Variants in L1TD1 observed in about 807,000 individuals in gnomAD.
L1TD1 encodes LINE1 type transposase domain containing 1.
In L1TD1, 26 loss-of-function variants were observed where a neutral mutation model predicts 25.7. The ratio of observed to expected loss-of-function variants is 1.01; its 90% CI spans 0.74 to 1.40. The LOEUF (loss-of-function observed/expected upper bound fraction) is 1.40, where lower values mean the gene tolerates loss of function less well. Among genes scored for constraint, L1TD1 ranks in the 40% most tolerant of loss-of-function variants. The pLI, the probability that L1TD1 is intolerant of heterozygous loss-of-function variation, is 0.00. For synonymous variants in L1TD1, 421 were observed against 335.6 expected, an observed-to-expected ratio of 1.25 and a Z score of -2.78; for missense variants, 1,130 against 975.0, an observed-to-expected ratio of 1.16 and a Z score of -2.12.
intron 3 of L1TD1, among the ~76,000 whole-genome samples, chr1:62,209,022 C>CAG (rs1670807170): frequency 6.6e-6 from 1 of 152,172 alleles, no homozygotes; most frequent in Non-Finnish European, 1.5e-5. Context: ...AGCTCAGTGG[C>CAG]AGACTAAGGG....
In L1TD1 at chr1:62,211,342, G is replaced by C; in HGVS notation, c.2568G>C (p.Leu856Phe). 6.2e-7 allele frequency: 1 copy of C among 1,609,792 alleles called. No individual in the cohort carries two copies. Among genetic ancestry groups the C allele is most frequent in the Non-Finnish European group, 8.5e-7 (1 of 1,178,162 alleles). Residue 856 changes from leucine (L) to phenylalanine (F), a missense_variant, in exon 4 of 4, where the codon TTG (leucine) becomes TTC (phenylalanine). Coordinates refer to ENST00000498273, the MANE Select transcript of L1TD1 (RefSeq NM_019079.5). ...FRDYVLHMPT[L>F]RELLGNNIP ...ATTATGTTTTGCATATGCCCACCTT[G>C]AGAGAATTACTGGGGAATAATATAC...
Position 62,209,878 on chromosome 1 carries a change from AGAG to A in L1TD1, c.1108_1110del (p.Glu370del), listed in dbSNP as rs1446048168. 1.9e-6 allele frequency: 3 copies of A among 1,614,078 alleles called. No homozygotes were observed. The highest frequency in any genetic ancestry group is 2.7e-5 in the African/African-American group (2 of 74,938). Reference sequence around the variant, plus strand: ...TTAAAGAAGTAAAAGTTGCTAAGCCAGAGGAGATGAAAAACTTAGAGACTCAAG... The same window carrying A: ...TTAAAGAAGTAAAAGTTGCTAAGCCAGAGATGAAAAACTTAGAGACTCAAG... On this transcript the variant is annotated inframe_deletion, in exon 4 of 4. Transcript: ENST00000498273.
At position 62,210,821 on chromosome 1, in the gene L1TD1, C is replaced by G. The variant is rs1670852885; in HGVS notation, c.2047C>G (p.Gln683Glu). The part of the protein sequence containing the change: ...FSKDTMQMTK[Q>E]IISKERQRDI... ...TAAGGATACAATGCAAATGACCAAA[C>G]AGATAATTAGTAAAGAAAGGCAAAG... is the stretch of plus-strand genomic sequence containing the variant. Residue 683 changes from glutamine (Q) to glutamate (E), a missense_variant, in exon 4 of 4, where the codon CAG becomes GAG. By Grantham distance (29) the Gln-to-Glu change is conservative. Coordinates refer to ENST00000498273, the MANE Select transcript of L1TD1 (RefSeq NM_019079.5). 3 of 1,549,186 alleles carry G rather than the reference C, an allele frequency of 1.9e-6. No homozygotes were observed. The highest frequency in any genetic ancestry group is 2.6e-6 in the Non-Finnish European group (3 of 1,146,488).
Position 62,210,957 on chromosome 1 carries a change from A to G in L1TD1, c.2183A>G (p.Asn728Ser), listed in dbSNP as rs1557448474. 10 of 1,545,036 alleles carry G rather than the reference A, an allele frequency of 6.5e-6. No homozygotes were observed. Among genetic ancestry groups the G allele is most frequent in the Admixed American group, 2.0e-5 (1 of 49,168 alleles). The change falls in exon 4 of 4, where the codon AAC (asparagine) becomes AGC (serine). Residue 728 changes from asparagine to serine, a missense_variant. Coordinates refer to ENST00000498273, the MANE Select transcript of L1TD1 (RefSeq NM_019079.5). The part of the protein sequence containing the change: ...EDIIKEIIDE[N>S]FAELKKGSSL... The stretch of plus-strand genomic sequence containing the variant: ...ATAATTAAAGAAATAATTGATGAAA[A>G]CTTTGCAGAACTAAAGAAAGGTTCA...
chr1:62,196,970 T>C (rs1415247532), intron 2 of L1TD1, among the ~76,000 whole-genome samples: 1 of 152,056 alleles, frequency 6.6e-6, no homozygotes, highest in African/African-American at 2.4e-5. Flanking sequence ...TATAATCTAG[T>C]GTGGGTCAGG....
In L1TD1 at chr1:62,211,627, TC is replaced by T. The variant is rs200255387; in HGVS notation, c.*262del. On this transcript the variant is annotated 3_prime_UTR_variant, in exon 4 of 4. Coordinates refer to ENST00000498273, the MANE Select transcript of L1TD1 (RefSeq NM_019079.5). ...TACAGATAGAATTCCTTGTTTTACT[TC>T]CCCCCCACCACCTCCCTACTGCAGT... The T allele has an allele frequency of 1.5e-4, 54 of 371,418 alleles. No homozygotes were observed. The highest frequency in any genetic ancestry group is 1.0e-3 in the East Asian group (19 of 18,134). The allele number at this position is 371,418 out of a possible 1,614,324, so 23.0% of individuals were successfully genotyped here.
Position 62,207,531 on chromosome 1 carries a change from A to G in L1TD1, c.903A>G (p.Lys301=). ...KTFSDLQSLR[K]FASQKSSVKE... is the part of the protein sequence containing the mutation. Reference sequence around the variant, plus strand: ...TTTCAGATCTGCAAAGCCTTAGAAAATTTGCCAGCCAAAAATCTTCTGTGA... The same window carrying G: ...TTTCAGATCTGCAAAGCCTTAGAAAGTTTGCCAGCCAAAAATCTTCTGTGA... Residue 301 remains lysine, a synonymous_variant, in exon 3 of 4, where the codon AAA becomes AAG. Transcript: ENST00000498273. 1 of 1,551,446 alleles carries G rather than the reference A, an allele frequency of 6.4e-7. No homozygotes were observed. Among genetic ancestry groups the G allele is most frequent in the Non-Finnish European group, 8.7e-7 (1 of 1,146,894 alleles).
At chr1:62,197,868 CTG>C (rs1435452363) in intron 2 of L1TD1, among the ~76,000 whole-genome samples, 2 of 150,268 alleles carry the variant, frequency 1.3e-5, no homozygotes, top group Non-Finnish European at 3.0e-5. Flanking sequence ...CAGTGAGACT[CTG>C]TCTCAAAAAC....
rs114341891 is a variant in L1TD1 at position 62,202,390 on chromosome 1, T to C, written c.-110-4129T>C. 9.0e-3 allele frequency among the ~76,000 whole-genome samples: 1,370 copies of C among 152,202 alleles called. 21 individuals carry two copies. The highest frequency in any genetic ancestry group is 0.031 in the African/African-American group (1,287 of 41,528). ...TCATTTACATGTTTTACATGTTTCCTCTTTTGACCTTTACTCTGGTGTAAT... is the reference window on the plus strand; with the variant it reads ...TCATTTACATGTTTTACATGTTTCCCCTTTTGACCTTTACTCTGGTGTAAT... On this transcript the variant is annotated intron_variant, in intron 2 of 3. Transcript: ENST00000498273.
chr1:62,205,452 T>TTTTTTTTTTTTTTTTTTTTTA (rs1317584007), intron 2 of L1TD1, among the ~76,000 whole-genome samples: 2 of 125,198 alleles, frequency 1.6e-5, no homozygotes, highest in African/African-American at 6.2e-5. Flanking sequence ...TATTTTTTTT[T>TTTTTTTTTTTTTTTTTTTTTA]AGACAGTCTT....
At position 62,211,244 on chromosome 1, in the gene L1TD1, C is replaced by T; in HGVS notation, c.2470C>T (p.Leu824=). 1 of 1,587,118 alleles carries T rather than the reference C, an allele frequency of 6.3e-7. No individual in the cohort carries two copies. Residue 824 remains leucine, a synonymous_variant, in exon 4 of 4, where the codon CTA becomes TTA. Transcript: ENST00000498273. The part of the protein sequence containing the change: ...LLEKGFNPRI[L]YPAKMAFDFR... The stretch of plus-strand genomic sequence containing the variant: ...GGAAAAAGGCTTTAATCCTAGAATC[C>T]TATATCCAGCCAAAATGGCATTTGA...
chr1:62,207,616 T>C lies in L1TD1; in HGVS notation c.988T>C (p.Tyr330His), dbSNP rs1670778599. Residue 330 changes from tyrosine (Y) to histidine (H), a missense_variant, in exon 3 of 4, where the codon TAT becomes CAT. Transcript: ENST00000498273. ...AGAAATAAATCAAGGAGGAAGAAAA[T>C]ATGGAATTCAAGAAAAAAGGGTAAG... ...KEEINQGGRK[Y>H]GIQEKRDKTL... The C allele has an allele frequency of 3.9e-6, 6 of 1,534,794 alleles. No homozygotes were observed. The highest frequency in any genetic ancestry group is 1.2e-5 in the South Asian group (1 of 81,510).
chr1:62,205,389 T>C (rs77514412), intron 2 of L1TD1, among the ~76,000 whole-genome samples: 9,419 of 58,504 alleles, frequency 0.16, 700 homozygotes, highest in Non-Finnish European at 0.19. Flanking sequence ...CTCTCTCTCT[T>C]TCTCTCTCTC....
intron 2 of L1TD1, among the ~76,000 whole-genome samples, chr1:62,197,940 A>G (rs745833808): frequency 1.3e-5 from 2 of 152,162 alleles, no homozygotes; most frequent in Non-Finnish European, 2.9e-5. Context: ...CCCACTGCTG[A>G]GGGAATTACT....
At chr1:62,201,949 C>T (rs1670647386) in intron 2 of L1TD1, among the ~76,000 whole-genome samples, 1 of 152,148 alleles carries the variant, frequency 6.6e-6, no homozygotes, top group African/African-American at 2.4e-5. Context: ...TGGTTGCTTT[C>T]TCAGTCCTTG....
At chr1:62,197,113 T>TGGTG (rs1670557424) in intron 2 of L1TD1, among the ~76,000 whole-genome samples, 1 of 151,894 alleles carries the variant, frequency 6.6e-6, no homozygotes, top group African/African-American at 2.4e-5. Flanking sequence ...GGGCCAGGTG[T>TGGTG]GGTGGCTCAC....
chr1:62,197,885 G>C (rs1670573274), intron 2 of L1TD1, among the ~76,000 whole-genome samples: 1 of 151,316 alleles, frequency 6.6e-6, no homozygotes, highest in Non-Finnish European at 1.5e-5. Context: ...AAAAACAGAA[G>C]AAAACAAAAC....
Position 62,206,524 on chromosome 1 carries a change from C to A in L1TD1, c.-105C>A. The A allele has an allele frequency of 9.0e-7, 1 of 1,115,658 alleles. No individual in the cohort carries two copies. The highest frequency in any genetic ancestry group is 1.2e-6 in the Non-Finnish European group (1 of 839,348). 69.1% of individuals were successfully genotyped at this position (1,115,658 alleles called of 1,614,324 possible). On this transcript the variant is annotated 5_prime_UTR_variant, in exon 3 of 4. Coordinates refer to ENST00000498273, the MANE Select transcript of L1TD1 (RefSeq NM_019079.5). ...TTCATTTTTTTGTATTTCAGATTGACGTATTTTAAGATTTTTTTAACTTCT... is the reference window on the plus strand; with the variant it reads ...TTCATTTTTTTGTATTTCAGATTGAAGTATTTTAAGATTTTTTTAACTTCT...
chr1:62,197,907 A>AAACAG (rs1670574131), intron 2 of L1TD1, among the ~76,000 whole-genome samples: 1 of 149,722 alleles, frequency 6.7e-6, no homozygotes. Flanking sequence ...AAACAAAACA[A>AAACAG]AACCCTGTAA....
Sources: allele counts gnomAD v4.1 joint callset (sites outside exome capture counted in the v4.1 genomes callset), GRCh38; gene constraint gnomAD v4.1.1; transcripts MANE v1.5; gene names NCBI Gene and HGNC (gene_info 2026-07-23, HGNC 2026-07-21).